TAOK3: variants seen among roughly 807,000 people sequenced by gnomAD.
The protein encoded by TAOK3 is TAO kinase 3, also known as serine/threonine-protein kinase TAO3.
In TAOK3, 40 loss-of-function variants were observed where a neutral mutation model predicts 120.4. The ratio of observed to expected loss-of-function variants is 0.33; its 90% CI spans 0.26 to 0.43. The LOEUF is 0.43. TAOK3 is among the 20% of genes least tolerant of loss of function. The probability of loss-of-function intolerance (pLI) is 1.00; values close to 1 mark genes in which losing one functional copy is unlikely to be tolerated. For synonymous variants in TAOK3, 355 were observed against 387.5 expected (o/e 0.92, Z 0.99); for missense variants, 821 against 1,112.1 (o/e 0.74, Z 3.72).
chr12:118,248,018 TAA>T (rs1274533562), intron 3 of TAOK3, among the ~76,000 whole-genome samples: 1 of 152,202 alleles, frequency 6.6e-6, no homozygotes, highest in African/African-American at 2.4e-5. Context: ...CATTCACTGA[TAA>T]AGTCAGGTTA....
chr12:118,363,018 C>CAAAAAAAA (rs60475060), intron 1 of TAOK3, among the ~76,000 whole-genome samples: 333 of 45,924 alleles, frequency 7.3e-3, no homozygotes, highest in Non-Finnish European at 9.2e-3. Context: ...GACTCCGTAT[C>CAAAAAAAA]AAAAAAAAAA....
At position 118,201,395 on chromosome 12, in the gene TAOK3, T is replaced by G. The variant is rs750869199; in HGVS notation, c.888A>C (p.Ala296=). The change falls in exon 12 of 21, where the codon GCA becomes GCC. Residue 296 remains alanine, a synonymous_variant. Coordinates refer to ENST00000392533, the MANE Select transcript of TAOK3 (RefSeq NM_016281.4). Reference sequence around the variant, plus strand: ...ACTGTAGGTTATCTAGCTCACGAACTGCATCTTTTGTCCTCTGTATGAGGT... The same window carrying G: ...ACTGTAGGTTATCTAGCTCACGAACGGCATCTTTTGTCCTCTGTATGAGGT... The part of the protein sequence containing the change: ...LIDLIQRTKD[A]VRELDNLQYR... 1.2e-6 allele frequency: 2 copies of G among 1,614,158 alleles called. No homozygotes were observed. The highest frequency in any genetic ancestry group is 1.7e-6 in the Non-Finnish European group (2 of 1,179,998).
chr12:118,246,208 G>T (rs1447175344), intron 3 of TAOK3: 3 of 1,434,148 alleles, frequency 2.1e-6, no homozygotes, highest in South Asian at 1.2e-5. Flanking sequence ...GGCCGTGGAC[G>T]GGGCCGGGGC....
intron 11 of TAOK3, among the ~76,000 whole-genome samples, chr12:118,212,355 A>T (rs1351687281): frequency 2.6e-5 from 4 of 152,270 alleles, no homozygotes; most frequent in Non-Finnish European, 5.9e-5. Flanking sequence ...GCCTATGTAT[A>T]AAGTCTACAG....
At position 118,212,926 on chromosome 12, in the gene TAOK3, T is replaced by C; in HGVS notation, c.807A>G (p.Ala269=). 6.2e-7 allele frequency: 1 copy of C among 1,611,868 alleles called. No homozygotes were observed. Among genetic ancestry groups the C allele is most frequent in the Non-Finnish European group, 8.5e-7 (1 of 1,178,636 alleles). ...TTTGAAAAATTACCCTTAATAGTTC[T>C]GCTGATGTTGGCCTTTCCTGAGGTA... The part of the protein sequence containing the change: ...QKIPQERPTS[A]ELLRHDFVRR... The change falls in exon 11 of 21, where the codon GCA becomes GCG. Residue 269 remains alanine (A), a synonymous_variant. Transcript: ENST00000392533.
At chr12:118,164,576 C>G (rs1297865290) in intron 17 of TAOK3, among the ~76,000 whole-genome samples, 1 of 151,886 alleles carries the variant, frequency 6.6e-6, no homozygotes, top group East Asian at 2.0e-4. Flanking sequence ...CACCACCACG[C>G]CTGGCTAATT....
intron 11 of TAOK3, among the ~76,000 whole-genome samples, chr12:118,204,407 T>C (rs573733202): frequency 6.6e-6 from 1 of 152,290 alleles, no homozygotes; most frequent in South Asian, 2.1e-4. Context: ...TTCTTTATAA[T>C]TTAAACAGAT....
At chr12:118,181,283 C>G (rs1269176395) in intron 15 of TAOK3, 88 bp downstream of exon 15, 1 of 1,141,242 alleles carries the variant, frequency 8.8e-7, no homozygotes, top group Non-Finnish European at 1.3e-6. Flanking sequence ...TCCTCCATCC[C>G]CCACTCCTGC....
At chr12:118,352,575 CAT>C (rs1208656324) in intron 1 of TAOK3, among the ~76,000 whole-genome samples, 1 of 151,806 alleles carries the variant, frequency 6.6e-6, no homozygotes, top group African/African-American at 2.4e-5. Context: ...GAAAAGCAAA[CAT>C]ATCAATCTGT....
chr12:118,354,817 C>T (rs1225602124), intron 1 of TAOK3, among the ~76,000 whole-genome samples: 1 of 152,110 alleles, frequency 6.6e-6, no homozygotes, highest in Non-Finnish European at 1.5e-5. Context: ...GTGAGGCCTC[C>T]CAAGCCATGT....
chr12:118,264,081 T>A (rs1344071864), intron 2 of TAOK3, among the ~76,000 whole-genome samples: 1 of 152,214 alleles, frequency 6.6e-6, no homozygotes, highest in Non-Finnish European at 1.5e-5. Context: ...CTCAGTCTTT[T>A]TAATGTTAGC....
chr12:118,307,902 T>C (rs1227052117), intron 1 of TAOK3, among the ~76,000 whole-genome samples: 1 of 151,960 alleles, frequency 6.6e-6, no homozygotes, highest in Non-Finnish European at 1.5e-5. Flanking sequence ...TGACACTACA[T>C]GATAGTTACT....
At chr12:118,249,043 A>G (rs2040637305) in intron 3 of TAOK3, among the ~76,000 whole-genome samples, 1 of 152,310 alleles carries the variant, frequency 6.6e-6, no homozygotes, top group East Asian at 1.9e-4. Context: ...TTTCTAGTGC[A>G]TACAGTACTA....
chr12:118,177,109 A>T, intron 16 of TAOK3, 92 bp downstream of exon 16: 1 of 1,354,064 alleles, frequency 7.4e-7, no homozygotes, highest in Non-Finnish European at 1.0e-6. Context: ...GACTCACTGG[A>T]CTAGAATATT....
chr12:118,330,846 C>T (rs748633828), intron 1 of TAOK3, among the ~76,000 whole-genome samples: 2 of 151,058 alleles, frequency 1.3e-5, no homozygotes, highest in South Asian at 2.1e-4. Context: ...TTTGGTTTGA[C>T]AGTACCCATT....
intron 1 of TAOK3, among the ~76,000 whole-genome samples, chr12:118,300,944 T>C (rs2042859482): frequency 6.6e-6 from 1 of 151,988 alleles, no homozygotes; most frequent in Non-Finnish European, 1.5e-5. Context: ...CCCGGCTAAT[T>C]TTTGTATTTT....
At chr12:118,302,608 G>A (rs998013485) in intron 1 of TAOK3, among the ~76,000 whole-genome samples, 4 of 152,150 alleles carry the variant, frequency 2.6e-5, no homozygotes, top group African/African-American at 9.7e-5. Context: ...AATAGTCACT[G>A]TTTTTAATTG....
intron 11 of TAOK3, among the ~76,000 whole-genome samples, chr12:118,202,991 G>A (rs773949270): frequency 2.6e-5 from 4 of 151,658 alleles, no homozygotes; most frequent in Non-Finnish European, 5.9e-5. Context: ...TGTTGCCTTG[G>A]CTGGTCTTAA....
At chr12:118,177,570 T>A (rs2036424574) in intron 15 of TAOK3, among the ~76,000 whole-genome samples, 1 of 151,300 alleles carries the variant, frequency 6.6e-6, no homozygotes. Context: ...ATACCTGTAA[T>A]CCCAGCACTT....
Sources: allele counts gnomAD v4.1 joint callset (sites outside exome capture counted in the v4.1 genomes callset), GRCh38; gene constraint gnomAD v4.1.1; transcripts MANE v1.5; gene names NCBI Gene and HGNC (gene_info 2026-07-23, HGNC 2026-07-21).